The following FREM3 variants were observed in gnomAD, a reference collection of about 807,000 sequenced individuals.
FREM3 encodes FRAS1 related extracellular matrix 3.
FREM3 carries 105 observed loss-of-function variants against 129.1 expected under a neutral mutation model. That is an observed-to-expected ratio of 0.81 (90% confidence interval 0.69 to 0.96). FREM3 has a LOEUF of 0.96. Among genes scored for constraint, FREM3 ranks in the 40% least tolerant of loss-of-function variants. The probability of loss-of-function intolerance (pLI) is 0.00; values close to 1 mark genes in which losing one functional copy is unlikely to be tolerated. For missense variants in FREM3, 2,593 were observed against 2,666.3 expected, an observed-to-expected ratio of 0.97 and a Z score of 0.61; for synonymous variants, 1,014 against 1,044.9, an observed-to-expected ratio of 0.97 and a Z score of 0.57.
intron 2 of FREM3, among the ~76,000 whole-genome samples, chr4:143,658,282 A>T (rs1672393385): frequency 6.6e-6 from 1 of 152,066 alleles, no homozygotes; most frequent in South Asian, 2.1e-4. Flanking sequence ...AAATGGGATT[A>T]GTCCCCTTAT....
chr4:143,695,312 T>C (rs963784244), intron 1 of FREM3, among the ~76,000 whole-genome samples, 179 bp downstream of exon 1: 3 of 152,214 alleles, frequency 2.0e-5, no homozygotes, highest in African/African-American at 7.2e-5. Flanking sequence ...TCTGATGAAA[T>C]TGATGAAAAA....
intron 2 of FREM3, among the ~76,000 whole-genome samples, chr4:143,645,417 G>T (rs1739397064): frequency 6.6e-6 from 1 of 152,174 alleles, no homozygotes; most frequent in African/African-American, 2.4e-5. Flanking sequence ...AGATGTTGCT[G>T]TGACAGTATT....
intron 7 of FREM3, among the ~76,000 whole-genome samples, chr4:143,583,328 G>A (rs992315601): frequency 2.0e-5 from 3 of 152,260 alleles, no homozygotes; most frequent in East Asian, 1.9e-4. Flanking sequence ...CCAAATCTAC[G>A]ACTCATTGGC....
chr4:143,595,892 A>G (rs1220046169), intron 6 of FREM3, among the ~76,000 whole-genome samples: 1 of 147,564 alleles, frequency 6.8e-6, no homozygotes, highest in Non-Finnish European at 1.5e-5. Context: ...CATCTCAGAA[A>G]AAAAAAAAAA....
In FREM3 at chr4:143,698,153, C is replaced by T. The variant is rs1740616734; in HGVS notation, c.2523G>A (p.Glu841=). The change falls in exon 1 of 8, where the codon GAG becomes GAA. Residue 841 remains glutamate, a synonymous_variant. Coordinates refer to ENST00000329798, the MANE Select transcript of FREM3 (RefSeq NM_001168235.2). ...TACTGCTGAGGTTAAAGCTGCCTCC[C>T]TCTAAGATAGCAAAGCCTCTGTTGG... ...EVTNRGFAIL[E]GGSFNLSSNE... 3 of 1,537,464 alleles carry T rather than the reference C, an allele frequency of 2.0e-6. No homozygotes were observed. Among genetic ancestry groups the T allele is most frequent in the African/African-American group, 1.4e-5 (1 of 73,166 alleles).
At chr4:143,591,706 T>A (rs1251754473) in intron 6 of FREM3, among the ~76,000 whole-genome samples, 1 of 152,186 alleles carries the variant, frequency 6.6e-6, no homozygotes, top group East Asian at 1.9e-4. Context: ...CTGAAAAGAA[T>A]GTATATTCTG....
intron 2 of FREM3, among the ~76,000 whole-genome samples, chr4:143,689,797 T>C (rs1740433008): frequency 6.6e-6 from 1 of 150,546 alleles, no homozygotes; most frequent in Non-Finnish European, 1.5e-5. Context: ...AAACCAAACA[T>C]CATATATTCT....
Position 143,700,264 on chromosome 4 carries a change from G to T in FREM3, c.412C>A (p.Arg138=). 1 of 1,536,610 alleles carries T rather than the reference G, an allele frequency of 6.5e-7. No homozygotes were observed. The highest frequency in any genetic ancestry group is 8.7e-7 in the Non-Finnish European group (1 of 1,146,824). ...HFGSHSPGRA[R]VLLQLRYDAP... ...TCGTAGCGCAGCTGCAGCAGCACCC[G>T]GGCGCGTCCGGGGCTGTGGGAGCCG... The change falls in exon 1 of 8, where the codon CGG becomes AGG. Residue 138 remains arginine (R), a synonymous_variant. Coordinates refer to ENST00000329798, the MANE Select transcript of FREM3 (RefSeq NM_001168235.2).
At chr4:143,626,959 G>T (rs1426278737) in intron 3 of FREM3, among the ~76,000 whole-genome samples, 1 of 152,128 alleles carries the variant, frequency 6.6e-6, no homozygotes, top group African/African-American at 2.4e-5. Context: ...AAGGCAAAAT[G>T]ATTTCTGAAA....
chr4:143,622,705 T>C (rs1304637057), intron 4 of FREM3, among the ~76,000 whole-genome samples: 3 of 152,178 alleles, frequency 2.0e-5, no homozygotes, highest in Non-Finnish European at 4.4e-5. Context: ...ATTATCAATG[T>C]CATATGAAAA....
chr4:143,659,996 G>A (rs1391443352), intron 2 of FREM3, among the ~76,000 whole-genome samples: 1 of 149,828 alleles, frequency 6.7e-6, no homozygotes, highest in South Asian at 2.1e-4. Context: ...TTTGTCAGAT[G>A]AGTAGGTTGT....
chr4:143,644,177 A>ATGTGTG (rs10578943), intron 2 of FREM3, among the ~76,000 whole-genome samples: 3 of 149,340 alleles, frequency 2.0e-5, no homozygotes, highest in African/African-American at 7.4e-5. Flanking sequence ...TGCTCTGCAT[A>ATGTGTG]TGTGTGTGTG....
At chr4:143,626,204 T>C in intron 3 of FREM3, among the ~76,000 whole-genome samples, 1 of 152,198 alleles carries the variant, frequency 6.6e-6, no homozygotes, top group East Asian at 1.9e-4. Context: ...GGCTGTAGTT[T>C]ACTTAACAAC....
At chr4:143,656,366 T>G (rs996901527) in intron 2 of FREM3, among the ~76,000 whole-genome samples, 4 of 152,198 alleles carry the variant, frequency 2.6e-5, no homozygotes, top group Non-Finnish European at 5.9e-5. Context: ...TACATGAATG[T>G]TCAAATAGCA....
At chr4:143,694,407 T>TA (rs1178788640) in intron 1 of FREM3, among the ~76,000 whole-genome samples, 2 of 152,190 alleles carry the variant, frequency 1.3e-5, no homozygotes, top group Non-Finnish European at 2.9e-5. Context: ...AAAATGAGAA[T>TA]AAAATCATGA....
intron 5 of FREM3, among the ~76,000 whole-genome samples, chr4:143,616,709 C>G (rs1363995531): frequency 6.6e-6 from 1 of 151,682 alleles, no homozygotes; most frequent in Non-Finnish European, 1.5e-5. Context: ...CGGAGAATGG[C>G]GTGAACCCGG....
intron 2 of FREM3, among the ~76,000 whole-genome samples, chr4:143,657,981 A>T (rs1000962725): frequency 4.6e-5 from 7 of 152,148 alleles, no homozygotes; most frequent in Non-Finnish European, 1.0e-4. Flanking sequence ...TTTATTTAAT[A>T]AAAAAATCAA....
chr4:143,660,987 G>A (rs1227585564), intron 2 of FREM3, among the ~76,000 whole-genome samples: 2 of 152,186 alleles, frequency 1.3e-5, no homozygotes, highest in Admixed American at 6.5e-5. Flanking sequence ...ATTTTGGGTT[G>A]AGACAATGGG....
At chr4:143,676,341 ACC>A (rs1395757685) in intron 2 of FREM3, among the ~76,000 whole-genome samples, 4 of 151,376 alleles carry the variant, frequency 2.6e-5, no homozygotes, top group Non-Finnish European at 3.0e-5. Context: ...AAATTCAACA[ACC>A]CTTCATGCTA....
Sources: allele counts gnomAD v4.1 joint callset (sites outside exome capture counted in the v4.1 genomes callset), GRCh38; gene constraint gnomAD v4.1.1; transcripts MANE v1.5; gene names NCBI Gene and HGNC (gene_info 2026-07-23, HGNC 2026-07-21).